The following DPF3 variants were observed in gnomAD, a reference collection of about 807,000 sequenced individuals.
DPF3 encodes zinc finger protein DPF3.
In DPF3, 18 loss-of-function variants were observed where a neutral mutation model predicts 56.8. That is an observed-to-expected ratio of 0.32 (90% CI 0.22 to 0.47). The LOEUF (loss-of-function observed/expected upper bound fraction) is 0.47, where lower values mean the gene tolerates loss of function less well. Among genes scored for constraint, DPF3 ranks in the 20% least tolerant of loss-of-function variants. The pLI is 1.00. For synonymous variants in DPF3, 188 were observed against 180.2 expected (o/e 1.04, Z -0.35); for missense variants, 403 against 488.8 (o/e 0.82, Z 1.65).
In DPF3 at chr14:72,892,941, CTGGAAGGAAGGAAGGA is replaced by C. The variant is rs1387266889; in HGVS notation, c.32+1100_32+1115del. ...CTTGGCGGCTTAACAGTTCCACTGA[CTGGAAGGAAGGAAGGA>C]AGGAAGGAAGGAAGGAAGGAAGGAA... On this transcript the variant is annotated intron_variant, in intron 1 of 10. Transcript: ENST00000556509. 7.1e-5 allele frequency among the ~76,000 whole-genome samples: 9 copies of C among 127,086 alleles called. 1 individual carries two copies. The highest frequency in any genetic ancestry group is 1.5e-4 in the Non-Finnish European group (9 of 61,690). 83.4% of individuals were successfully genotyped at this position (127,086 alleles called of 152,430 possible).
At chr14:72,809,020 T>A (rs965004596) in intron 1 of DPF3, among the ~76,000 whole-genome samples, 2 of 152,196 alleles carry the variant, frequency 1.3e-5, no homozygotes, top group Admixed American at 6.5e-5. Flanking sequence ...CATACTCTCA[T>A]AAGACTGGAT....
At chr14:72,810,134 G>A (rs1160298769) in intron 1 of DPF3, among the ~76,000 whole-genome samples, 1 of 152,198 alleles carries the variant, frequency 6.6e-6, no homozygotes, top group Admixed American at 6.5e-5. Context: ...TCATAGGGAA[G>A]ATGCGAATAA....
Position 72,619,360 on chromosome 14 carries a change from C to T in DPF3, c.1074G>A (p.Trp358Ter). 1 of 1,536,136 alleles carries T rather than the reference C, an allele frequency of 6.5e-7. No individual in the cohort carries two copies. Among genetic ancestry groups the T allele is most frequent in the Non-Finnish European group, 8.7e-7 (1 of 1,146,912 alleles). ...GCAGTTCCCAGCATAAGTGGCAGCT[C>T]CAGCTTCCTGCAAGAAATGAGACGG... Reference protein sequence around the residue: ...PPVAEPPEGSWSCHLCWELLK... With the variant: ...PPVAEPPEGS The change falls in exon 11 of 11, where the codon TGG (tryptophan) becomes TGA (stop). Residue 358 changes from tryptophan to a stop codon, truncating the protein, a stop_gained. Transcript: ENST00000556509. LOFTEE classifies it high-confidence loss of function.
chr14:72,777,489 A>G lies in DPF3; in HGVS notation c.33-5596T>C, dbSNP rs548626005. Among the ~76,000 whole-genome samples, 5 of 152,306 alleles carry G rather than the reference A, an allele frequency of 3.3e-5. 1 individual carries two copies. The South Asian group carries it at 1.0e-3, about 32-fold the overall frequency. On this transcript the variant is annotated intron_variant, in intron 1 of 10. Transcript: ENST00000556509. ...GTTCCTCCTCACAGAAAAAATCCAC[A>G]TGTTGAAGGCCTAACCCTCAATGTG...
intron 1 of DPF3, among the ~76,000 whole-genome samples, chr14:72,829,629 C>G (rs1883969118): frequency 6.6e-6 from 1 of 152,176 alleles, no homozygotes; most frequent in South Asian, 2.1e-4. Context: ...TGTGATCTGC[C>G]TGCCTCAGCC....
chr14:72,857,886 C>T (rs1261057333), intron 1 of DPF3, among the ~76,000 whole-genome samples: 4 of 152,168 alleles, frequency 2.6e-5, no homozygotes, highest in Admixed American at 1.3e-4. Context: ...CACGCCTGGC[C>T]TGCAAGGAGT....
chr14:72,859,048 T>C (rs996583892), intron 1 of DPF3, among the ~76,000 whole-genome samples: 1 of 152,236 alleles, frequency 6.6e-6, no homozygotes, highest in Non-Finnish European at 1.5e-5. Flanking sequence ...GAATTATTGT[T>C]AACTCAGATA....
intron 8 of DPF3, among the ~76,000 whole-genome samples, chr14:72,648,797 T>C (rs917069): frequency 0.31 from 47,620 of 151,532 alleles, 8,638 homozygotes; most frequent in African/African-American, 0.5. Flanking sequence ...CTCTCTCTAG[T>C]AGACCATTCA....
chr14:72,804,014 C>A (rs192699424), intron 1 of DPF3, among the ~76,000 whole-genome samples: 116 of 152,240 alleles, frequency 7.6e-4, no homozygotes, highest in Non-Finnish European at 1.5e-3. Flanking sequence ...AGCCACCATG[C>A]CCAGTCATGG....
At chr14:72,640,874 A>T (rs1455523484) in intron 8 of DPF3, among the ~76,000 whole-genome samples, 4 of 152,210 alleles carry the variant, frequency 2.6e-5, no homozygotes, top group African/African-American at 9.7e-5. Context: ...GAAGCCTTGG[A>T]AGTTGGTGAG....
chr14:72,766,925 T>G (rs1891311050), intron 2 of DPF3, among the ~76,000 whole-genome samples: 2 of 152,184 alleles, frequency 1.3e-5, no homozygotes, highest in South Asian at 4.1e-4. Context: ...CCAATAGCTT[T>G]GCTGGGTTGG....
intron 6 of DPF3, among the ~76,000 whole-genome samples, chr14:72,710,673 G>A (rs1175573901): frequency 6.6e-6 from 1 of 152,228 alleles, no homozygotes; most frequent in Non-Finnish European, 1.5e-5. Flanking sequence ...GCATTGCTGT[G>A]CAGCTGGTCC....
rs773450437 is a variant in DPF3, at chr14:72,884,940, CTATATATATA to C, written c.32+9107_32+9116del. Among the ~76,000 whole-genome samples, 80 of 29,614 alleles carry C rather than the reference CTATATATATA, an allele frequency of 2.7e-3. 12 individuals carry two copies. The highest frequency in any genetic ancestry group is 0.017 in the East Asian group (7 of 424). The allele number at this position is 29,614 out of a possible 152,430, so 19.4% of individuals were successfully genotyped here. On this transcript the variant is annotated intron_variant, in intron 1 of 10. Transcript: ENST00000556509. ...TGAAACCCCGTCTCTACTAAAAATA[CTATATATATA>C]TATATATATATATATATATATTAGC...
At chr14:72,661,811 G>GT (rs1567192501) in intron 8 of DPF3, 2 of 984,054 alleles carry the variant, frequency 2.0e-6, no homozygotes, top group Non-Finnish European at 2.4e-6. Context: ...GGAGTTGTTA[G>GT]GTGACTGAAC....
intron 3 of DPF3, among the ~76,000 whole-genome samples, chr14:72,749,625 C>A (rs1378864587): frequency 1.3e-5 from 2 of 152,214 alleles, no homozygotes; most frequent in Non-Finnish European, 2.9e-5. Flanking sequence ...TCCCCTAATT[C>A]CCACGTTGTG....
At chr14:72,768,312 A>G (rs1176859585) in intron 2 of DPF3, among the ~76,000 whole-genome samples, 1 of 152,226 alleles carries the variant, frequency 6.6e-6, no homozygotes, top group Non-Finnish European at 1.5e-5. Flanking sequence ...TAACACTGGT[A>G]TGGTTTTCAA....
chr14:72,665,482 T>G (rs10140566), intron 8 of DPF3, among the ~76,000 whole-genome samples: 69,929 of 152,098 alleles, frequency 0.46, 16,756 homozygotes, highest in East Asian at 0.77. Context: ...ACATACCTCC[T>G]GATGTAATGC....
intron 1 of DPF3, among the ~76,000 whole-genome samples, chr14:72,865,440 C>T (rs1378847991): frequency 6.6e-6 from 1 of 152,204 alleles, no homozygotes; most frequent in Admixed American, 6.5e-5. Context: ...GTGGCTTTTG[C>T]CACAATGAGG....
chr14:72,873,259 G>A (rs12432949), intron 1 of DPF3, among the ~76,000 whole-genome samples: 26,373 of 152,150 alleles, frequency 0.17, 2,978 homozygotes, highest in East Asian at 0.49. Context: ...ACAAGTGGGC[G>A]AAGGATATAA....
Sources: allele counts gnomAD v4.1 joint callset (sites outside exome capture counted in the v4.1 genomes callset), GRCh38; gene constraint gnomAD v4.1.1; transcripts MANE v1.5; gene names NCBI Gene and HGNC (gene_info 2026-07-23, HGNC 2026-07-21).